GRAMD1C: variants seen among roughly 807,000 people sequenced by gnomAD.
The protein encoded by GRAMD1C is GRAM domain containing 1C, also known as protein Aster-C.
Under a neutral mutation model 97.8 loss-of-function variants are expected in GRAMD1C, and 89 were observed. The observed-to-expected ratio is 0.91, with a 90% CI of 0.77 to 1.09. GRAMD1C has a LOEUF of 1.09. Ranked by LOEUF, GRAMD1C falls within the 50% of genes least tolerant of loss-of-function variation. The pLI is 0.00. For synonymous variants in GRAMD1C, 256 were observed against 267.0 expected, an observed-to-expected ratio of 0.96 and a Z score of 0.40; for missense variants, 740 against 766.4, an observed-to-expected ratio of 0.97 and a Z score of 0.41.
chr3:113,935,601 G>T (rs968430556), intron 13 of GRAMD1C, among the ~76,000 whole-genome samples: 4 of 151,276 alleles, frequency 2.6e-5, no homozygotes, highest in African/African-American at 9.7e-5. Context: ...TTGAAGAAAA[G>T]CTGGTGGTCA....
intron 2 of GRAMD1C, among the ~76,000 whole-genome samples, chr3:113,854,519 A>G (rs1418694423): frequency 6.6e-6 from 1 of 152,162 alleles, no homozygotes; most frequent in East Asian, 1.9e-4. Flanking sequence ...GTTAGGTGCA[A>G]CCTGAGAGTT....
At chr3:113,840,485 C>T (rs1709755514) in intron 1 of GRAMD1C, among the ~76,000 whole-genome samples, 1 of 151,968 alleles carries the variant, frequency 6.6e-6, no homozygotes, top group Non-Finnish European at 1.5e-5. Context: ...GCCTGTAATT[C>T]TAGCACTTTG....
At chr3:113,862,596 G>C (rs1934424866) in intron 2 of GRAMD1C, among the ~76,000 whole-genome samples, 3 of 152,038 alleles carry the variant, frequency 2.0e-5, no homozygotes, top group Admixed American at 2.0e-4. Flanking sequence ...AATCATCACA[G>C]GGTCCTGAGG....
intron 6 of GRAMD1C, among the ~76,000 whole-genome samples, chr3:113,887,023 G>A (rs781433175): frequency 1.7e-4 from 25 of 148,996 alleles, no homozygotes; most frequent in Non-Finnish European, 3.0e-4. Flanking sequence ...CTCGTGATCC[G>A]CCTGCCTTGG....
At chr3:113,864,892 A>G (rs1934526167) in intron 2 of GRAMD1C, among the ~76,000 whole-genome samples, 1 of 152,112 alleles carries the variant, frequency 6.6e-6, no homozygotes, top group South Asian at 2.1e-4. Context: ...AGCTGCTACC[A>G]CATTTTCAGG....
intron 2 of GRAMD1C, among the ~76,000 whole-genome samples, chr3:113,849,302 TA>T (rs1463673385): frequency 0.017 from 2,565 of 149,354 alleles, 38 homozygotes; most frequent in Non-Finnish European, 0.025. Context: ...TTTATTTATT[TA>T]TTTATTTTTT....
intron 6 of GRAMD1C, chr3:113,885,399 G>A (rs1935434644): frequency 1.3e-6 from 2 of 1,576,924 alleles, no homozygotes; most frequent in African/African-American, 1.3e-5. Context: ...AGATCCGCAC[G>A]GTAATTCAGT....
At chr3:113,856,149 A>C (rs1934119219) in intron 2 of GRAMD1C, among the ~76,000 whole-genome samples, 1 of 152,086 alleles carries the variant, frequency 6.6e-6, no homozygotes, top group Non-Finnish European at 1.5e-5. Context: ...CGGCCTCCCA[A>C]AGTGCTAGGA....
chr3:113,927,892 C>T (rs140834168), intron 10 of GRAMD1C, among the ~76,000 whole-genome samples: 3 of 152,290 alleles, frequency 2.0e-5, no homozygotes, highest in African/African-American at 7.2e-5. Flanking sequence ...GGATATGGTA[C>T]TGGTGTCATT....
intron 2 of GRAMD1C, among the ~76,000 whole-genome samples, chr3:113,862,430 A>G (rs536600166): frequency 6.6e-6 from 1 of 152,350 alleles, no homozygotes; most frequent in African/African-American, 2.4e-5. Flanking sequence ...AAGAAGAGAA[A>G]TATGGCTCTG....
At position 113,946,810 on chromosome 3, in the gene GRAMD1C, G is replaced by A. The variant is rs997719320; in HGVS notation, c.*1332G>A. ...TTTGAGATGCCTGTAGAGAATGAAA[G>A]TATTGACTCCGTTAGAGGGAAAATG... On this transcript the variant is annotated 3_prime_UTR_variant, in exon 18 of 18. Transcript: ENST00000358160. 1 of 152,210 alleles carries A rather than the reference G, an allele frequency of 6.6e-6. No homozygotes were observed. Among genetic ancestry groups the A allele is most frequent in the African/African-American group, 2.4e-5 (1 of 41,448 alleles). The allele number at this position is 152,210 out of a possible 1,614,324, so 9.4% of individuals were successfully genotyped here. A position where few individuals can be genotyped will look rare whatever the true frequency, so the allele number is the denominator to read the frequency against.
chr3:113,842,590 C>A (rs1933384363), intron 1 of GRAMD1C, among the ~76,000 whole-genome samples: 2 of 152,046 alleles, frequency 1.3e-5, no homozygotes, highest in African/African-American at 4.8e-5. Flanking sequence ...TTACAAATTT[C>A]TTTCTCTAGA....
At chr3:113,875,371 G>T in intron 3 of GRAMD1C, 113 bp from the exon 4 acceptor site, 1 of 624,198 alleles carries the variant, frequency 1.6e-6, no homozygotes, top group South Asian at 2.1e-5. Flanking sequence ...AGGAATGAAT[G>T]AATGAACTAA....
Position 113,938,072 on chromosome 3 carries a change from C to T in GRAMD1C, c.1634-14C>T. On this transcript the variant is annotated splice_polypyrimidine_tract_variant and intron_variant, in intron 14 of 17. Coordinates refer to ENST00000358160, the MANE Select transcript of GRAMD1C (RefSeq NM_017577.5). ...ATTCTCATTCTAATGCAGCCTTTTT[C>T]TTGTGATCTACAGGAAAGAAAAAGG... The T allele has an allele frequency of 7.3e-7, 1 of 1,372,430 alleles. No individual in the cohort carries two copies. Among genetic ancestry groups the T allele is most frequent in the South Asian group, 1.3e-5 (1 of 77,730 alleles). 85.0% of individuals were successfully genotyped at this position (1,372,430 alleles called of 1,614,324 possible).
At chr3:113,878,947 C>CTGTAATCCCA (rs1254934825) in intron 5 of GRAMD1C, among the ~76,000 whole-genome samples, 3 of 152,088 alleles carry the variant, frequency 2.0e-5, no homozygotes, top group Non-Finnish European at 4.4e-5. Flanking sequence ...TGGCTCACAC[C>CTGTAATCCCA]TGTAATCCCA....
At chr3:113,871,016 CACACACAG>C (rs757246683) in intron 3 of GRAMD1C, among the ~76,000 whole-genome samples, 7,382 of 75,480 alleles carry the variant, frequency 0.098, 351 homozygotes, top group Admixed American at 0.14. Context: ...CACACACACA[CACACACAG>C]AGGAATATTA....
At chr3:113,896,275 T>G (rs1221842988) in intron 6 of GRAMD1C, among the ~76,000 whole-genome samples, 1 of 152,228 alleles carries the variant, frequency 6.6e-6, no homozygotes, top group Non-Finnish European at 1.5e-5. Flanking sequence ...CTCCCTCTAT[T>G]TTGAAATACT....
intron 5 of GRAMD1C, among the ~76,000 whole-genome samples, chr3:113,878,864 ACT>A (rs1559791264): frequency 6.6e-6 from 1 of 152,062 alleles, no homozygotes; most frequent in East Asian, 1.9e-4. Context: ...GGTTTCTGAC[ACT>A]TAGAATCAGG....
chr3:113,880,604 C>T lies in GRAMD1C; in HGVS notation c.460-2148C>T, dbSNP rs1044635218. Reference sequence around the variant, plus strand: ...CTGCAGTGAACAGCCTGACCATGCCCTCTTATGCTCATGTGTGACTGTTTC... The same window carrying T: ...CTGCAGTGAACAGCCTGACCATGCCTTCTTATGCTCATGTGTGACTGTTTC... On this transcript the variant is annotated intron_variant, in intron 5 of 17. Transcript: ENST00000358160. 2.6e-5 allele frequency among the ~76,000 whole-genome samples: 4 copies of T among 152,060 alleles called. No individual in the cohort carries two copies. In the East Asian group the frequency reaches 7.7e-4, roughly 29 times the overall value.
Sources: allele counts gnomAD v4.1 joint callset (sites outside exome capture counted in the v4.1 genomes callset), GRCh38; gene constraint gnomAD v4.1.1; transcripts MANE v1.5; gene names NCBI Gene and HGNC (gene_info 2026-07-23, HGNC 2026-07-21).